WDFY3: variants seen among roughly 807,000 people sequenced by gnomAD.
The protein encoded by WDFY3 is WD repeat and FYVE domain containing 3.
Under a neutral mutation model 409.6 loss-of-function variants are expected in WDFY3, and 66 were observed. The observed-to-expected ratio is 0.16, with a 90% CI of 0.13 to 0.20. The LOEUF (loss-of-function observed/expected upper bound fraction) is 0.20. Among genes scored for constraint, WDFY3 ranks in the 10% least tolerant of loss-of-function variants. The probability of loss-of-function intolerance (pLI) is 1.00; values close to 1 mark genes in which losing one functional copy is unlikely to be tolerated. For synonymous variants in WDFY3, 1,521 were observed against 1,537.1 expected, an observed-to-expected ratio of 0.99 and a Z score of 0.25; for missense variants, 3,031 against 4,298.1, an observed-to-expected ratio of 0.71 and a Z score of 8.24.
chr4:84,678,076 T>G, intron 66 of WDFY3, 92 bp downstream of exon 66: 1 of 869,666 alleles, frequency 1.1e-6, no homozygotes, highest in Non-Finnish European at 1.9e-6. Flanking sequence ...AAATAAAATC[T>G]GTTTTCCCCA....
At chr4:84,962,151 GTAC>G (rs1179874597) in intron 1 of WDFY3, among the ~76,000 whole-genome samples, 1 of 152,222 alleles carries the variant, frequency 6.6e-6, no homozygotes, top group African/African-American at 2.4e-5. Flanking sequence ...GAGCTGGCTG[GTAC>G]CAGCTCATGG....
In WDFY3 at chr4:84,778,640, G is replaced by A; in HGVS notation, c.4381C>T (p.Leu1461Phe). 2 of 1,606,390 alleles carry A rather than the reference G, an allele frequency of 1.2e-6. No individual in the cohort carries two copies. Among genetic ancestry groups the A allele is most frequent in the East Asian group, 2.2e-5 (1 of 44,750 alleles). Residue 1461 changes from leucine (L) to phenylalanine (F), a missense_variant, in exon 27 of 68, where the codon CTT (leucine) becomes TTT (phenylalanine). Physicochemically the swap from Leu to Phe is conservative, Grantham distance 22. Around this residue, in one of 16 missense-constraint regions of WDFY3, gnomAD observed 55 missense variants for 124.1 expected, o/e 0.44. Transcript: ENST00000295888. ...TTAAGAAGGGAACGTTTCTTCTTAA[G>A]CAACATTGCCAGCAACTACAAGAAA... ...IKGYQLLAML[L>F]KKKRSLLNSH...
At position 84,831,476 on chromosome 4, in the gene WDFY3, C is replaced by T; in HGVS notation, c.706G>A (p.Gly236Arg). Reference sequence around the variant, plus strand: ...CGAGATATGGTCATGAGGACTTCTCCAGCACTCTTTCTCCAAGGCAGGTTA... The same window carrying T: ...CGAGATATGGTCATGAGGACTTCTCTAGCACTCTTTCTCCAAGGCAGGTTA... ...PYNLPWRKSA[G>R]EVLMTISRHG... The change falls in exon 8 of 68, where the codon GGA becomes AGA. Residue 236 changes from glycine (G) to arginine (R), a missense_variant. Around this residue, in one of 16 missense-constraint regions of WDFY3, gnomAD observed 1,322 missense variants for 1,697.9 expected, o/e 0.78. Coordinates refer to ENST00000295888, the MANE Select transcript of WDFY3 (RefSeq NM_014991.6). 1 of 1,613,972 alleles carries T rather than the reference C, an allele frequency of 6.2e-7. No homozygotes were observed. Among genetic ancestry groups the T allele is most frequent in the Non-Finnish European group, 8.5e-7 (1 of 1,179,950 alleles).
At chr4:84,918,825 A>ATC (rs1768863913) in intron 2 of WDFY3, among the ~76,000 whole-genome samples, 2 of 135,020 alleles carry the variant, frequency 1.5e-5, no homozygotes, top group Non-Finnish European at 3.3e-5. Flanking sequence ...GTATATATAT[A>ATC]TAGATATATA....
intron 58 of WDFY3, among the ~76,000 whole-genome samples, chr4:84,695,511 G>T (rs1008565809): frequency 5.1e-5 from 3 of 58,918 alleles, no homozygotes; most frequent in Non-Finnish European, 3.7e-5. Context: ...GAGAGAGATA[G>T]AGAGAGAGAG....
chr4:84,848,242 C>T (rs1185718707), intron 5 of WDFY3, among the ~76,000 whole-genome samples: 2 of 150,766 alleles, frequency 1.3e-5, no homozygotes, highest in Admixed American at 6.6e-5. Context: ...AAGAGAGGAT[C>T]CTAAAAGCTT....
At chr4:84,940,796 T>C (rs1010003079) in intron 1 of WDFY3, among the ~76,000 whole-genome samples, 1 of 151,992 alleles carries the variant, frequency 6.6e-6, no homozygotes. Flanking sequence ...GGAAACCAAA[T>C]CTGGCAACAT....
chr4:84,918,460 TG>T (rs998139194), intron 2 of WDFY3, among the ~76,000 whole-genome samples: 1 of 152,008 alleles, frequency 6.6e-6, no homozygotes, highest in African/African-American at 2.4e-5. Flanking sequence ...TCTTTTGTGT[TG>T]GAAAAAAGGA....
intron 59 of WDFY3, 109 bp downstream of exon 59, chr4:84,692,776 T>C (rs1230274116): frequency 2.8e-6 from 3 of 1,055,628 alleles, no homozygotes; most frequent in Non-Finnish European, 4.0e-6. Flanking sequence ...GTATGGCACT[T>C]ATTAAACAAA....
intron 14 of WDFY3, among the ~76,000 whole-genome samples, 181 bp from the exon 15 acceptor site, chr4:84,808,598 T>C (rs1350419872): frequency 1.3e-5 from 2 of 152,202 alleles, no homozygotes; most frequent in Non-Finnish European, 2.9e-5. Flanking sequence ...AAAAGCATGC[T>C]CACGGCAGAT....
At chr4:84,695,509 TAGAGAGAGAGAGAGAGAGAGAG>T (rs869147060) in intron 58 of WDFY3, among the ~76,000 whole-genome samples, 6 of 107,288 alleles carry the variant, frequency 5.6e-5, no homozygotes, top group Non-Finnish European at 9.5e-5. Flanking sequence ...CAGAGAGAGA[TAGAGAGAGAGAGAGAGAGAGAG>T]AGAGAGAGAG....
At chr4:84,786,202 T>A in intron 23 of WDFY3, 63 bp from the exon 24 acceptor site, 1 of 1,464,562 alleles carries the variant, frequency 6.8e-7, no homozygotes, top group African/African-American at 1.4e-5. Flanking sequence ...GTAAGTTTTT[T>A]ATTCTTACTA....
intron 53 of WDFY3, among the ~76,000 whole-genome samples, chr4:84,706,167 G>A (rs1731909143): frequency 6.6e-6 from 1 of 152,168 alleles, no homozygotes; most frequent in African/African-American, 2.4e-5. Context: ...TTTACTCCCT[G>A]AGGATTTTAA....
intron 3 of WDFY3, among the ~76,000 whole-genome samples, chr4:84,862,127 AAC>A (rs1480453239): frequency 6.6e-6 from 1 of 152,244 alleles, no homozygotes; most frequent in Non-Finnish European, 1.5e-5. Flanking sequence ...AAGAATTTCA[AAC>A]ACACTTGCCC....
intron 7 of WDFY3, among the ~76,000 whole-genome samples, chr4:84,836,553 A>G (rs1310420957): frequency 6.6e-6 from 1 of 152,000 alleles, no homozygotes; most frequent in African/African-American, 2.4e-5. Flanking sequence ...TAAGCTGGGG[A>G]CTTCCTGTAT....
chr4:84,868,170 TCA>T (rs1491281729), intron 3 of WDFY3, among the ~76,000 whole-genome samples: 2 of 42,048 alleles, frequency 4.8e-5, no homozygotes, highest in Admixed American at 4.2e-4. Flanking sequence ...AGACTCTGTC[TCA>T]AAAAAAAAAA....
chr4:84,688,012 G>T, intron 62 of WDFY3, 74 bp downstream of exon 62: 1 of 1,481,854 alleles, frequency 6.7e-7, no homozygotes, highest in Non-Finnish European at 9.3e-7. Context: ...GTTCCCCTGA[G>T]CCCCACCATT....
At chr4:84,879,629 A>ACACG (rs1229194621) in intron 3 of WDFY3, 3 of 152,192 alleles carry the variant, frequency 2.0e-5, no homozygotes, top group African/African-American at 7.2e-5. Context: ...ACACACACAC[A>ACACG]CACAAAATTG....
chr4:84,725,014 C>A (rs1735440375), intron 45 of WDFY3, among the ~76,000 whole-genome samples: 1 of 152,152 alleles, frequency 6.6e-6, no homozygotes, highest in Non-Finnish European at 1.5e-5. Context: ...TTAGGTCAGG[C>A]CTAAAGGTCC....
Sources: allele counts gnomAD v4.1 joint callset (sites outside exome capture counted in the v4.1 genomes callset), GRCh38; gene constraint gnomAD v4.1.1; regional missense constraint gnomAD v4.1.1; transcripts MANE v1.5; gene names NCBI Gene and HGNC (gene_info 2026-07-23, HGNC 2026-07-21).